FASTKD1: variants seen among roughly 807,000 people sequenced by gnomAD.
The protein encoded by FASTKD1 is FAST kinase domain-containing protein 1, mitochondrial.
In FASTKD1, 94 loss-of-function variants were observed where a neutral mutation model predicts 90.9. The observed-to-expected ratio is 1.03, with a 90% confidence interval of 0.88 to 1.23. The LOEUF is 1.23. Among genes scored for constraint, FASTKD1 ranks in the 50% most tolerant of loss-of-function variants. The probability of loss-of-function intolerance (pLI) is 0.00; values close to 1 mark genes in which losing one functional copy is unlikely to be tolerated. For synonymous variants in FASTKD1, 319 were observed against 345.8 expected (o/e 0.92, Z 0.86); for missense variants, 945 against 993.5 (o/e 0.95, Z 0.66).
chr2:169,553,189 G>C (rs543209172), intron 7 of FASTKD1, among the ~76,000 whole-genome samples: 1 of 147,356 alleles, frequency 6.8e-6, no homozygotes, highest in South Asian at 2.1e-4. Context: ...GTGACAGGGC[G>C]AGACTGCATC....
intron 5 of FASTKD1, among the ~76,000 whole-genome samples, chr2:169,557,785 T>C (rs79721174): frequency 0.046 from 7,010 of 152,326 alleles, 211 homozygotes; most frequent in Middle Eastern, 0.082. Context: ...TTAACAAAGC[T>C]GGTCCATTTT....
At chr2:169,553,158 T>C (rs1278819188) in intron 7 of FASTKD1, among the ~76,000 whole-genome samples, 1 of 151,582 alleles carries the variant, frequency 6.6e-6, no homozygotes, top group African/African-American at 2.4e-5. Context: ...TGAGCCGAGA[T>C]CATGCTCTAC....
At chr2:169,570,675 CTTTTT>C (rs371337071) in intron 2 of FASTKD1, among the ~76,000 whole-genome samples, 2 of 134,882 alleles carry the variant, frequency 1.5e-5, no homozygotes, top group African/African-American at 2.8e-5. Context: ...TTAGGCATTA[CTTTTT>C]TTTTTTTTTT....
At chr2:169,533,825 G>A (rs1421846890) in intron 12 of FASTKD1, among the ~76,000 whole-genome samples, 2 of 152,092 alleles carry the variant, frequency 1.3e-5, no homozygotes, top group African/African-American at 2.4e-5. Context: ...ATCTAAATGT[G>A]TCCCCCAAAA....
chr2:169,529,794 A>G lies in FASTKD1; in HGVS notation c.*31T>C. Reference sequence around the variant, plus strand: ...ACTTTATTAAAATAGGTCCAAATGTAACACACGATAACATTCATTTTAAAT... The same window carrying G: ...ACTTTATTAAAATAGGTCCAAATGTGACACACGATAACATTCATTTTAAAT... On this transcript the variant is annotated 3_prime_UTR_variant, in exon 15 of 15. Coordinates refer to ENST00000453153, the MANE Select transcript of FASTKD1 (RefSeq NM_024622.6). The G allele has an allele frequency of 2.0e-6, 3 of 1,463,534 alleles. No homozygotes were observed. The highest frequency in any genetic ancestry group is 2.8e-6 in the Non-Finnish European group (3 of 1,054,814). 90.7% of individuals were successfully genotyped at this position (1,463,534 alleles called of 1,614,324 possible). A position where few individuals can be genotyped will look rare whatever the true frequency, so the allele number is the denominator to read the frequency against.
At chr2:169,549,734 T>C (rs1034819803) in intron 7 of FASTKD1, among the ~76,000 whole-genome samples, 2 of 152,200 alleles carry the variant, frequency 1.3e-5, no homozygotes, top group African/African-American at 4.8e-5. Context: ...CCCAAAGTCC[T>C]GGGATTACAA....
Position 169,529,899 on chromosome 2 carries a change from C to CCATA in FASTKD1, c.2466_2469dup (p.Ala824TyrfsTer30), listed in dbSNP as rs764489195. 2 of 1,611,778 alleles carry CCATA rather than the reference C, an allele frequency of 1.2e-6. No homozygotes were observed. Among genetic ancestry groups the CCATA allele is most frequent in the Non-Finnish European group, 1.7e-6 (2 of 1,178,964 alleles). ...ATCCGAGCATCCTTTGTTGACAGTG[C>CCATA]CATAGAGTTCCATTCAAACTGGGAA... On this transcript the variant is annotated frameshift_variant, in exon 15 of 15. Transcript: ENST00000453153. LOFTEE classifies it high-confidence loss of function.
intron 2 of FASTKD1, chr2:169,571,210 A>C (rs1013275601): frequency 1.3e-5 from 2 of 153,004 alleles, no homozygotes; most frequent in African/African-American, 4.8e-5. Flanking sequence ...AAAACAAAAC[A>C]AAACAAAAAA....
At chr2:169,554,983 G>C in intron 7 of FASTKD1, 141 bp downstream of exon 7, 1 of 714,158 alleles carries the variant, frequency 1.4e-6, no homozygotes, top group East Asian at 3.0e-5. Context: ...GGCCACGGAG[G>C]GAGATAGTGT....
At chr2:169,563,156 T>C (rs1683784082) in intron 4 of FASTKD1, 69 bp downstream of exon 4, 6 of 1,476,282 alleles carry the variant, frequency 4.1e-6, no homozygotes, top group Non-Finnish European at 5.6e-6. Flanking sequence ...GAGTAGCAAA[T>C]CTGACTGCAT....
intron 3 of FASTKD1, among the ~76,000 whole-genome samples, chr2:169,563,925 G>A (rs186692491): frequency 1.7e-3 from 261 of 152,204 alleles, no homozygotes; most frequent in African/African-American, 5.9e-3. Flanking sequence ...AAAACATACT[G>A]AGCAAACTAA....
chr2:169,541,641 A>C (rs1278984916), intron 9 of FASTKD1, among the ~76,000 whole-genome samples: 1 of 152,178 alleles, frequency 6.6e-6, no homozygotes. Context: ...GACACAATTA[A>C]TATATTTATA....
At chr2:169,537,909 G>A (rs544386403) in intron 11 of FASTKD1, 104 bp downstream of exon 11, 1 of 943,836 alleles carries the variant, frequency 1.1e-6, no homozygotes, top group African/African-American at 1.7e-5. Context: ...TGGCACTCTT[G>A]GGAAGGCTCG....
chr2:169,572,153 G>A lies in FASTKD1; in HGVS notation c.-124C>T, dbSNP rs183807218. The A allele has an allele frequency of 4.5e-6, 5 of 1,105,994 alleles. No homozygotes were observed. The highest frequency in any genetic ancestry group is 2.5e-5 in the East Asian group (1 of 39,654). 68.5% of individuals were successfully genotyped at this position (1,105,994 alleles called of 1,614,324 possible). The stretch of plus-strand genomic sequence containing the variant: ...TGCTTCCATTACAATGACTGTAAAC[G>A]CATTCCAATGTACAGCTTCTATAAA... On this transcript the variant is annotated 5_prime_UTR_variant, in exon 2 of 15. Transcript: ENST00000453153.
rs928332289 is a variant in FASTKD1, at chr2:169,529,051, ATACATT to A, written c.*768_*773del. Among the ~76,000 whole-genome samples the A allele has an allele frequency of 1.4e-4, 22 of 152,084 alleles. No homozygotes were observed. The highest frequency in any genetic ancestry group is 2.8e-4 in the Non-Finnish European group (19 of 68,020). On this transcript the variant is annotated 3_prime_UTR_variant, in exon 15 of 15. Transcript: ENST00000453153. The stretch of plus-strand genomic sequence containing the variant: ...ATGGCATTGAATACTGCTGACATTT[ATACATT>A]TATATCTGGGGCCTGGACCTCTTCC...
chr2:169,558,531 C>A (rs1683432544), intron 5 of FASTKD1, among the ~76,000 whole-genome samples: 1 of 152,082 alleles, frequency 6.6e-6, no homozygotes, highest in Non-Finnish European at 1.5e-5. Context: ...CTCACTGCAA[C>A]CTCAGTCTCC....
intron 12 of FASTKD1, among the ~76,000 whole-genome samples, chr2:169,534,463 C>CTT (rs1210482307): frequency 8.1e-5 from 9 of 110,664 alleles, no homozygotes; most frequent in South Asian, 3.1e-4. Flanking sequence ...TTTTTTTTTT[C>CTT]TTTTTTTTTT....
chr2:169,550,320 T>G (rs1685431481), intron 7 of FASTKD1, among the ~76,000 whole-genome samples: 1 of 152,134 alleles, frequency 6.6e-6, no homozygotes, highest in Non-Finnish European at 1.5e-5. Context: ...TTCTTAATGA[T>G]GTACAAGGTA....
intron 3 of FASTKD1, 29 bp downstream of exon 3, chr2:169,569,155 G>C: frequency 1.3e-6 from 2 of 1,589,540 alleles, no homozygotes; most frequent in Non-Finnish European, 1.7e-6. Context: ...GAATAACCCT[G>C]ATCTTCAAGA....
Sources: gnomAD v4.1 joint callset for allele counts (sites outside exome capture counted in the v4.1 genomes callset) on GRCh38, gnomAD v4.1.1 for gene constraint, MANE v1.5 for transcripts, NCBI Gene and HGNC (gene_info 2026-07-23, HGNC 2026-07-21) for gene names.